Variants in CWF19L2 observed in about 807,000 individuals in gnomAD.
CWF19L2 encodes the protein CWF19 like cell cycle control factor 2, also known as CWF19-like protein 2.
CWF19L2 carries 98 observed loss-of-function variants against 111.7 expected under a neutral mutation model. The observed-to-expected ratio is 0.88, with a 90% confidence interval of 0.75 to 1.04. The LOEUF (loss-of-function observed/expected upper bound fraction) is 1.04. Among genes scored for constraint, CWF19L2 ranks in the 50% least tolerant of loss-of-function variants. CWF19L2 has a pLI of 0.00. For missense variants in CWF19L2, 1,101 were observed against 1,051.4 expected (o/e 1.05, Z -0.65); for synonymous variants, 351 against 342.9 (o/e 1.02, Z -0.26).
intron 12 of CWF19L2, among the ~76,000 whole-genome samples, chr11:107,371,715 C>A (rs1860513382): frequency 7.3e-6 from 1 of 137,336 alleles, no homozygotes; most frequent in Non-Finnish European, 1.6e-5. Flanking sequence ...GCCCCAGGAT[C>A]TGACTGCCCC....
At chr11:107,404,096 C>T (rs1388405894) in intron 10 of CWF19L2, 1 of 773,476 alleles carries the variant, frequency 1.3e-6, no homozygotes, top group Non-Finnish European at 2.4e-6. Flanking sequence ...TATGGTTCTC[C>T]TTTCTCCATG....
At chr11:107,445,056 A>G (rs528918713) in intron 3 of CWF19L2, among the ~76,000 whole-genome samples, 5 of 152,318 alleles carry the variant, frequency 3.3e-5, no homozygotes, top group Admixed American at 6.5e-5. Flanking sequence ...TTCTGTCATG[A>G]GAAATAGAAA....
rs766211621 is a variant in CWF19L2 at position 107,454,530 on chromosome 11, T to G, written c.259A>C (p.Lys87Gln). The G allele has an allele frequency of 6.8e-7, 1 of 1,477,530 alleles. No individual in the cohort carries two copies. Among genetic ancestry groups the G allele is most frequent in the South Asian group, 1.4e-5 (1 of 70,048 alleles). 91.5% of individuals were successfully genotyped at this position (1,477,530 alleles called of 1,614,324 possible). The change falls in exon 3 of 18, where the codon AAA (lysine) becomes CAA (glutamine). Residue 87 changes from lysine to glutamine, a missense_variant. Transcript: ENST00000282251. ...KKKKKKDKHS[K>Q]KAKKEKKKKS... ...TTTTTCTTTTCTTTCTTTGCTTTTT[T>G]TGAATGCTTGTCTTTTTTCTTCTTT...
Position 107,457,795 on chromosome 11 carries a change from C to T in CWF19L2, c.22G>A (p.Ala8Thr). The change falls in exon 1 of 18, where the codon GCT becomes ACT. Residue 8 changes from alanine (A) to threonine (T), a missense_variant. Physicochemically the swap from Ala to Thr is moderately conservative, Grantham distance 58. Coordinates refer to ENST00000282251, the MANE Select transcript of CWF19L2 (RefSeq NM_152434.3). Reference protein sequence around the residue: MATSMAAASGRFESAKSI... With the variant: MATSMAATSGRFESAKSI... ...TTCGCACTTTCAAATCTACCACTAG[C>T]AGCCGCCATACTTGTTGCCATCGTA... The T allele has an allele frequency of 2.6e-6, 4 of 1,551,676 alleles. No individual in the cohort carries two copies. The highest frequency in any genetic ancestry group is 3.5e-6 in the Non-Finnish European group (4 of 1,146,922).
intron 12 of CWF19L2, among the ~76,000 whole-genome samples, chr11:107,357,716 C>T (rs1860259145): frequency 6.6e-6 from 1 of 152,164 alleles, no homozygotes; most frequent in Admixed American, 6.5e-5. Context: ...TGCATTTTTA[C>T]TCATTATCTT....
chr11:107,345,363 A>C (rs1224200111), intron 14 of CWF19L2: 3 of 360,284 alleles, frequency 8.3e-6, no homozygotes, highest in Non-Finnish European at 1.7e-5. Flanking sequence ...AGATGTACAT[A>C]AAAAGCAACA....
chr11:107,403,523 T>C, intron 10 of CWF19L2: 1 of 819,692 alleles, frequency 1.2e-6, no homozygotes, highest in Non-Finnish European at 2.2e-6. Context: ...AACCCCCTCC[T>C]GCCCATTCTC....
At chr11:107,436,609 G>A (rs1861544669) in intron 6 of CWF19L2, among the ~76,000 whole-genome samples, 1 of 152,126 alleles carries the variant, frequency 6.6e-6, no homozygotes, top group Non-Finnish European at 1.5e-5. Context: ...ACCTTTCAAA[G>A]TCTTTTCAAC....
At chr11:107,396,519 T>A (rs1387793892) in intron 10 of CWF19L2, among the ~76,000 whole-genome samples, 1 of 152,202 alleles carries the variant, frequency 6.6e-6, no homozygotes, top group African/African-American at 2.4e-5. Context: ...AAACACTTTA[T>A]ATAAAGCTAC....
At chr11:107,345,257 CAT>C (rs1304899226) in intron 14 of CWF19L2, among the ~76,000 whole-genome samples, 3 of 152,060 alleles carry the variant, frequency 2.0e-5, no homozygotes, top group Non-Finnish European at 4.4e-5. Context: ...AATATCTAGT[CAT>C]AGAGTGAGAA....
In CWF19L2 at chr11:107,392,778, C is replaced by T; in HGVS notation, c.1734+1G>A. On this transcript the variant is annotated splice_donor_variant, in intron 11 of 17. Coordinates refer to ENST00000282251, the MANE Select transcript of CWF19L2 (RefSeq NM_152434.3). LOFTEE classifies it high-confidence loss of function. ...TAAACAAAGACATATGTTAAACATA[C>T]CATCTGTCTCTTTCTTCTTCCTCCT... The T allele has an allele frequency of 6.6e-7, 1 of 1,521,998 alleles. No homozygotes were observed. Among genetic ancestry groups the T allele is most frequent in the Non-Finnish European group, 9.0e-7 (1 of 1,107,470 alleles). The allele number at this position is 1,521,998 out of a possible 1,614,324, so 94.3% of individuals were successfully genotyped here. A position where few individuals can be genotyped will look rare whatever the true frequency, so the allele number is the denominator to read the frequency against.
chr11:107,429,830 A>G (rs1861439523), intron 7 of CWF19L2, among the ~76,000 whole-genome samples: 1 of 150,380 alleles, frequency 6.6e-6, no homozygotes, highest in African/African-American at 2.4e-5. Context: ...AAAACAGAAT[A>G]GTTCAAGAAC....
chr11:107,361,182 T>C (rs1326491340), intron 12 of CWF19L2, among the ~76,000 whole-genome samples: 4 of 152,222 alleles, frequency 2.6e-5, no homozygotes, highest in Non-Finnish European at 5.9e-5. Context: ...GGCAAACCAA[T>C]TTTCCCAGCA....
intron 12 of CWF19L2, among the ~76,000 whole-genome samples, chr11:107,372,948 T>G (rs1278448442): frequency 8.6e-6 from 1 of 116,728 alleles, no homozygotes; most frequent in African/African-American, 4.0e-5. Flanking sequence ...GGCAAGGCAT[T>G]GCCTCACTTG....
chr11:107,443,666 G>A (rs557083679), intron 3 of CWF19L2, among the ~76,000 whole-genome samples: 4 of 152,216 alleles, frequency 2.6e-5, no homozygotes, highest in African/African-American at 9.6e-5. Context: ...GACTACCAAC[G>A]TCAAGTAGTT....
chr11:107,395,017 CTGAG>C (rs1860901762), intron 10 of CWF19L2, among the ~76,000 whole-genome samples: 1 of 152,122 alleles, frequency 6.6e-6, no homozygotes, highest in South Asian at 2.1e-4. Flanking sequence ...AGTATAGAAA[CTGAG>C]TGTTTTATAG....
chr11:107,432,842 T>C (rs1355336228), intron 7 of CWF19L2, among the ~76,000 whole-genome samples: 1 of 152,112 alleles, frequency 6.6e-6, no homozygotes, highest in Non-Finnish European at 1.5e-5. Flanking sequence ...AAGAAAAATA[T>C]GCAAAATGCA....
At chr11:107,450,945 A>AC (rs2135429428) in intron 3 of CWF19L2, among the ~76,000 whole-genome samples, 1 of 152,300 alleles carries the variant, frequency 6.6e-6, no homozygotes, top group South Asian at 2.1e-4. Flanking sequence ...AACTGACTGA[A>AC]CAGGTGAACA....
chr11:107,442,500 T>C (rs1270952461), intron 4 of CWF19L2, among the ~76,000 whole-genome samples: 3 of 148,862 alleles, frequency 2.0e-5, no homozygotes, highest in African/African-American at 5.0e-5. Context: ...CTAGGCAACA[T>C]AGGGAGACCC....
Sources: gnomAD v4.1 joint callset for allele counts (sites outside exome capture counted in the v4.1 genomes callset) on GRCh38, gnomAD v4.1.1 for gene constraint, MANE v1.5 for transcripts, NCBI Gene and HGNC (gene_info 2026-07-23, HGNC 2026-07-21) for gene names.